ISM1: variants seen among roughly 807,000 people sequenced by gnomAD.
ISM1 encodes isthmin 1, also known as isthmin-1.
A neutral mutation model predicts 46.3 loss-of-function variants in ISM1; 25 were observed. That is an observed-to-expected ratio of 0.54 (90% CI 0.39 to 0.75). ISM1 has a LOEUF of 0.75. Among genes scored for constraint, ISM1 ranks in the 30% least tolerant of loss-of-function variants. The pLI, the probability that ISM1 is intolerant of heterozygous loss-of-function variation, is 0.00. For missense variants in ISM1, 536 were observed against 625.4 expected (o/e 0.86, Z 1.52); for synonymous variants, 255 against 256.7 (o/e 0.99, Z 0.06).
downstream of ISM1, among the ~76,000 whole-genome samples, chr20:13,304,899 C>T (rs957892324): frequency 3.3e-5 from 5 of 152,282 alleles, no homozygotes; most frequent in East Asian, 1.9e-4. Context: ...TACTAGTACT[C>T]GCTGGAATCT....
At position 13,270,516 on chromosome 20, in the gene ISM1, G is replaced by C; in HGVS notation, c.151G>C (p.Val51Leu). Residue 51 changes from valine to leucine, a missense_variant, in exon 2 of 6, where the codon GTG becomes CTG. Around this residue, in one of 2 missense-constraint regions of ISM1, gnomAD observed 367 missense variants for 376.1 expected, o/e 0.98. Coordinates refer to ENST00000262487, the MANE Select transcript of ISM1 (RefSeq NM_080826.2). ...SQAQLQNNLN[V>L]GSDTTSETSF... is the part of the protein sequence containing the mutation. Reference sequence around the variant, plus strand: ...TTGTTTGTTTTAGAATAACCTCAACGTGGGAAGTGACACCACATCAGAAAC... The same window carrying C: ...TTGTTTGTTTTAGAATAACCTCAACCTGGGAAGTGACACCACATCAGAAAC... The C allele has an allele frequency of 6.2e-7, 1 of 1,613,034 alleles. No individual in the cohort carries two copies. Among genetic ancestry groups the C allele is most frequent in the Non-Finnish European group, 8.5e-7 (1 of 1,179,522 alleles).
chr20:13,258,443 T>C (rs2123214009), intron 1 of ISM1, among the ~76,000 whole-genome samples: 1 of 152,284 alleles, frequency 6.6e-6, no homozygotes, highest in African/African-American at 2.4e-5. Context: ...TCCAGATATG[T>C]TAAATTGTTC....
intron 1 of ISM1, among the ~76,000 whole-genome samples, chr20:13,234,627 A>AT (rs1400728292): frequency 6.6e-6 from 1 of 152,120 alleles, no homozygotes; most frequent in African/African-American, 2.4e-5. Context: ...TTGCTTTTAG[A>AT]TTTTTTAACA....
At chr20:13,274,316 C>T (rs1204339737) in intron 2 of ISM1, among the ~76,000 whole-genome samples, 2 of 152,182 alleles carry the variant, frequency 1.3e-5, no homozygotes, top group Admixed American at 1.3e-4. Context: ...CAGCAGACAG[C>T]CCTGCTGGTC....
chr20:13,237,586 G>A (rs1176284730), intron 1 of ISM1, among the ~76,000 whole-genome samples: 1 of 152,204 alleles, frequency 6.6e-6, no homozygotes, highest in Non-Finnish European at 1.5e-5. Context: ...AAGGAGGGCA[G>A]CTAGGGTGCT....
At chr20:13,295,388 A>G (rs1190581705) in intron 5 of ISM1, among the ~76,000 whole-genome samples, 1 of 152,150 alleles carries the variant, frequency 6.6e-6, no homozygotes, top group Non-Finnish European at 1.5e-5. Flanking sequence ...ATGATCTGAC[A>G]CCAACAATCT....
At chr20:13,269,517 T>C (rs564864825) in intron 1 of ISM1, among the ~76,000 whole-genome samples, 1 of 152,228 alleles carries the variant, frequency 6.6e-6, no homozygotes, top group Non-Finnish European at 1.5e-5. Context: ...TCCTTCTCTC[T>C]ACAACAGCTT....
intron 1 of ISM1, among the ~76,000 whole-genome samples, chr20:13,231,344 G>A (rs2039585955): frequency 6.6e-6 from 1 of 152,220 alleles, no homozygotes; most frequent in African/African-American, 2.4e-5. Flanking sequence ...CAGGAAGAGG[G>A]AAATTCCAAA....
chr20:13,227,959 CTTTTTTTT>C (rs747478331), intron 1 of ISM1, among the ~76,000 whole-genome samples: 2 of 129,018 alleles, frequency 1.6e-5, no homozygotes, highest in African/African-American at 2.9e-5. Flanking sequence ...CTGCTGCTGC[CTTTTTTTT>C]TTTTTTTTTC....
At chr20:13,241,673 G>C (rs565805299) in intron 1 of ISM1, among the ~76,000 whole-genome samples, 1 of 152,292 alleles carries the variant, frequency 6.6e-6, no homozygotes, top group African/African-American at 2.4e-5. Flanking sequence ...TTTGAGGAGA[G>C]AAGATATAAA....
chr20:13,309,089 A>G, the ISM1 span, among the ~76,000 whole-genome samples: 1 of 152,172 alleles, frequency 6.6e-6, no homozygotes, highest in Non-Finnish European at 1.5e-5. Flanking sequence ...ACAGTATATG[A>G]AAGTAGTATA....
chr20:13,285,215 C>T (rs2040278632), intron 3 of ISM1, among the ~76,000 whole-genome samples: 1 of 152,044 alleles, frequency 6.6e-6, no homozygotes, highest in South Asian at 2.1e-4. Context: ...TGCTTGAGCC[C>T]AGGAATTCAG....
chr20:13,319,142 G>C, the ISM1 span, among the ~76,000 whole-genome samples: 1 of 151,898 alleles, frequency 6.6e-6, no homozygotes, highest in African/African-American at 2.4e-5. Flanking sequence ...GGAAATCTCT[G>C]TTCCTTCTGT....
chr20:13,230,805 A>G (rs1182789024), intron 1 of ISM1, among the ~76,000 whole-genome samples: 1 of 152,210 alleles, frequency 6.6e-6, no homozygotes, highest in Non-Finnish European at 1.5e-5. Flanking sequence ...TAAACCTTAT[A>G]CAATTCCTTT....
the ISM1 span, among the ~76,000 whole-genome samples, chr20:13,306,500 TTTTG>T: frequency 2.5e-4 from 38 of 151,406 alleles, no homozygotes; most frequent in East Asian, 6.2e-3. Flanking sequence ...TGGTGGTGTT[TTTTG>T]TTTGTTTGTT....
At chr20:13,249,778 GCGTTTTGTTTTGTTTTGTTT>G (rs1326832246) in intron 1 of ISM1, among the ~76,000 whole-genome samples, 1,954 of 143,224 alleles carry the variant, frequency 0.014, 38 homozygotes, top group South Asian at 0.039. Flanking sequence ...ATTTTTTGTT[GCGTTTTGTTTTGTTTTGTTT>G]TGTTTTGTTT....
intron 2 of ISM1, among the ~76,000 whole-genome samples, chr20:13,276,669 T>C (rs1235669807): frequency 7.0e-6 from 1 of 143,468 alleles, no homozygotes; most frequent in Non-Finnish European, 1.5e-5. Flanking sequence ...CTTTGTCAGT[T>C]TGGAAATCTG....
Position 13,247,520 on chromosome 20 carries a change from G to GTGTGTGTGTGTC in ISM1, c.139-22973_139-22972insCTGTGTGTGTGT, listed in dbSNP as rs1192798567. On this transcript the variant is annotated intron_variant, in intron 1 of 5. Coordinates refer to ENST00000262487, the MANE Select transcript of ISM1 (RefSeq NM_080826.2). ...CATTTCTGGCAGCAAAGTGAGGGGT[G>GTGTGTGTGTGTC]TGTGTGTGTGTGTGTGTGTGTGTGT... 5.8e-3 allele frequency among the ~76,000 whole-genome samples: 497 copies of GTGTGTGTGTGTC among 85,352 alleles called. 5 individuals carry two copies. Among genetic ancestry groups the GTGTGTGTGTGTC allele is most frequent in the Middle Eastern group, 0.023 (5 of 214 alleles). The allele number at this position is 85,352 out of a possible 152,430, so 56.0% of individuals were successfully genotyped here. A position where few individuals can be genotyped will look rare whatever the true frequency, so the allele number is the denominator to read the frequency against.
At chr20:13,247,514 A>AGGGGG (rs201388699) in intron 1 of ISM1, among the ~76,000 whole-genome samples, 2 of 127,322 alleles carry the variant, frequency 1.6e-5, no homozygotes, top group Admixed American at 1.5e-4. Context: ...CAGCAAAGTG[A>AGGGGG]GGGGTGTGTG....
Sources: allele counts gnomAD v4.1 joint callset (sites outside exome capture counted in the v4.1 genomes callset), GRCh38; gene constraint gnomAD v4.1.1; regional missense constraint gnomAD v4.1.1; transcripts MANE v1.5; gene names NCBI Gene and HGNC (gene_info 2026-07-23, HGNC 2026-07-21).